Variants in PDK1 observed in about 807,000 individuals in gnomAD.
PDK1 encodes [Pyruvate dehydrogenase (acetyl-transferring)] kinase isozyme 1, mitochondrial.
In PDK1, 39 loss-of-function variants were observed where a neutral mutation model predicts 54.2. That is an observed-to-expected ratio of 0.72 (90% CI 0.56 to 0.94). The LOEUF (loss-of-function observed/expected upper bound fraction) is 0.94, where lower values mean the gene tolerates loss of function less well. Among genes scored for constraint, PDK1 ranks in the 40% least tolerant of loss-of-function variants. The probability of loss-of-function intolerance (pLI) is 0.00; values close to 1 mark genes in which losing one functional copy is unlikely to be tolerated. For missense variants in PDK1, 552 were observed against 566.0 expected, an observed-to-expected ratio of 0.98 and a Z score of 0.25; for synonymous variants, 221 against 207.1, an observed-to-expected ratio of 1.07 and a Z score of -0.58.
chr2:172,670,143 C>T, the PDK1 span, among the ~76,000 whole-genome samples: 2 of 152,174 alleles, frequency 1.3e-5, no homozygotes, highest in Non-Finnish European at 2.9e-5. Context: ...GCCTTCACCT[C>T]CCGGGCTCAA....
At chr2:172,695,151 T>C in the PDK1 span, among the ~76,000 whole-genome samples, 1 of 152,144 alleles carries the variant, frequency 6.6e-6, no homozygotes, top group Non-Finnish European at 1.5e-5. Context: ...AGCGATGTTT[T>C]TTTGACCAGA....
the PDK1 span, among the ~76,000 whole-genome samples, chr2:172,637,075 A>G: frequency 6.6e-6 from 1 of 152,264 alleles, no homozygotes; most frequent in Non-Finnish European, 1.5e-5. Context: ...CAGGATTTCA[A>G]TAACACTTAT....
the PDK1 span, among the ~76,000 whole-genome samples, chr2:172,702,744 TA>T: frequency 2.0e-5 from 3 of 152,110 alleles, no homozygotes; most frequent in African/African-American, 4.8e-5. Context: ...AACAGATTTT[TA>T]AAAAAATTGT....
chr2:172,711,644 C>G, the PDK1 span, among the ~76,000 whole-genome samples: 1 of 151,916 alleles, frequency 6.6e-6, no homozygotes, highest in Non-Finnish European at 1.5e-5. Flanking sequence ...GCTGGTGAAT[C>G]CCTTGAGTCC....
At chr2:172,563,703 C>T (rs1252121630) in intron 3 of PDK1, among the ~76,000 whole-genome samples, 1 of 152,098 alleles carries the variant, frequency 6.6e-6, no homozygotes, top group Non-Finnish European at 1.5e-5. Flanking sequence ...CATCATGGTA[C>T]ATGCCTATAA....
the PDK1 span, among the ~76,000 whole-genome samples, chr2:172,621,533 T>A: frequency 8.1e-5 from 12 of 147,366 alleles, no homozygotes; most frequent in South Asian, 4.2e-4. Context: ...CTCTTCTTTT[T>A]TATATATATA....
the PDK1 span, among the ~76,000 whole-genome samples, chr2:172,652,768 G>A: frequency 6.6e-6 from 1 of 152,194 alleles, no homozygotes. Context: ...TACAAGGGAT[G>A]TGAAGGACCT....
intron 8 of PDK1, among the ~76,000 whole-genome samples, chr2:172,572,089 C>G (rs1268280890): frequency 6.6e-6 from 1 of 152,194 alleles, no homozygotes; most frequent in East Asian, 1.9e-4. Flanking sequence ...CTCGGCCTCC[C>G]GAAGTGCTGG....
intron 1 of PDK1, 97 bp from the exon 2 acceptor site, chr2:172,558,611 C>T (rs1688483890): frequency 3.7e-6 from 4 of 1,090,116 alleles, no homozygotes; most frequent in Admixed American, 4.9e-5. Flanking sequence ...ATCCCTCTGG[C>T]CTTGCCGGAT....
At chr2:172,577,996 C>G (rs1558942380) in intron 8 of PDK1, among the ~76,000 whole-genome samples, 1 of 152,088 alleles carries the variant, frequency 6.6e-6, no homozygotes, top group Non-Finnish European at 1.5e-5. Context: ...TTTGGTATTT[C>G]TTGATAGCCC....
chr2:172,647,371 T>C, the PDK1 span, among the ~76,000 whole-genome samples: 2 of 152,052 alleles, frequency 1.3e-5, no homozygotes, highest in African/African-American at 2.4e-5. Context: ...ACTTTGAGGC[T>C]ACCACACTGA....
At chr2:172,581,835 C>G (rs530044084) in intron 8 of PDK1, among the ~76,000 whole-genome samples, 1 of 152,276 alleles carries the variant, frequency 6.6e-6, no homozygotes, top group African/African-American at 2.4e-5. Context: ...TCTTACAGCC[C>G]TAGCTGCTCT....
the PDK1 span, among the ~76,000 whole-genome samples, chr2:172,705,649 T>C: frequency 6.6e-6 from 1 of 152,228 alleles, no homozygotes; most frequent in Non-Finnish European, 1.5e-5. Flanking sequence ...ATGATGGTTG[T>C]ATCAGACTGT....
the PDK1 span, among the ~76,000 whole-genome samples, chr2:172,654,716 A>C: frequency 3.5e-3 from 538 of 152,302 alleles, 2 homozygotes; most frequent in Non-Finnish European, 5.6e-3. Context: ...ATATGTAACA[A>C]ATGTGCGTGT....
chr2:172,622,155 ATATAT>A, the PDK1 span, among the ~76,000 whole-genome samples: 4 of 126,072 alleles, frequency 3.2e-5, no homozygotes, highest in East Asian at 3.3e-4. Context: ...TGTTTATATC[ATATAT>A]TATGTGAGAT....
At chr2:172,643,003 A>T in the PDK1 span, among the ~76,000 whole-genome samples, 1 of 152,308 alleles carries the variant, frequency 6.6e-6, no homozygotes, top group East Asian at 1.9e-4. Context: ...TTTCATACTC[A>T]GTGAACTAAA....
At chr2:172,634,695 T>C in the PDK1 span, among the ~76,000 whole-genome samples, 5 of 151,930 alleles carry the variant, frequency 3.3e-5, no homozygotes, top group African/African-American at 1.2e-4. Context: ...ACATGTTTCC[T>C]TTTTCATGTT....
chr2:172,637,841 G>A, the PDK1 span, among the ~76,000 whole-genome samples: 4 of 151,970 alleles, frequency 2.6e-5, no homozygotes, highest in South Asian at 2.1e-4. Flanking sequence ...GACTACAGGC[G>A]CACACCACCA....
intron 10 of PDK1, among the ~76,000 whole-genome samples, chr2:172,594,037 CTT>C (rs35036603): frequency 1.8e-4 from 24 of 134,744 alleles, no homozygotes; most frequent in Middle Eastern, 3.5e-3. Flanking sequence ...CAATGTTTTT[CTT>C]TTTTTTTTTT....
Sources: gnomAD v4.1 joint callset for allele counts (sites outside exome capture counted in the v4.1 genomes callset) on GRCh38, gnomAD v4.1.1 for gene constraint, MANE v1.5 for transcripts, NCBI Gene and HGNC (gene_info 2026-07-23, HGNC 2026-07-21) for gene names.